Variants in TAF12 observed in about 807,000 individuals in gnomAD.
TAF12 encodes the protein transcription initiation factor TFIID subunit 12.
In TAF12, 3 loss-of-function variants were observed where a neutral mutation model predicts 20.8. The ratio of observed to expected loss-of-function variants is 0.14; its 90% CI spans 0.07 to 0.37. The LOEUF (loss-of-function observed/expected upper bound fraction) is 0.37. Ranked by LOEUF, TAF12 falls within the 10% of genes least tolerant of loss-of-function variation. The probability of loss-of-function intolerance (pLI) is 1.00; values close to 1 mark genes in which losing one functional copy is unlikely to be tolerated. For synonymous variants in TAF12, 69 were observed against 70.2 expected (o/e 0.98, Z 0.09); for missense variants, 131 against 197.9 (o/e 0.66, Z 2.03).
intron 1 of TAF12, 70 bp from the exon 2 acceptor site, chr1:28,622,235 A>G: frequency 7.3e-7 from 1 of 1,377,586 alleles, no homozygotes; most frequent in South Asian, 1.7e-5. Flanking sequence ...GAGAGTAAAA[A>G]GAGGCCTGGT....
intron 1 of TAF12, among the ~76,000 whole-genome samples, chr1:28,629,640 G>GT (rs561078657): frequency 1.3e-5 from 2 of 151,812 alleles, no homozygotes; most frequent in African/African-American, 4.8e-5. Context: ...CAGGCCTTGG[G>GT]TTTTTTGTTT....
In TAF12 at chr1:28,638,385, C is replaced by T. The variant is rs181554010; in HGVS notation, c.-85+4607G>A. On this transcript the variant is annotated intron_variant, in intron 1 of 5. Transcript: ENST00000373824. ...TGTATTTTTAGTAGAGATGGGGTTTCTCCATGTTGGTCAGGCTGGTCTCGA... is the reference window on the plus strand; with the variant it reads ...TGTATTTTTAGTAGAGATGGGGTTTTTCCATGTTGGTCAGGCTGGTCTCGA... Among the ~76,000 whole-genome samples the T allele has an allele frequency of 7.7e-3, 1,174 of 151,912 alleles. 12 individuals are homozygous for T. The highest frequency in any genetic ancestry group is 0.027 in the African/African-American group (1,106 of 41,402).
chr1:28,644,361 T>C (rs1570349255), upstream of TAF12, among the ~76,000 whole-genome samples: 2 of 152,350 alleles, frequency 1.3e-5, no homozygotes, highest in African/African-American at 2.4e-5. Flanking sequence ...CTCATGAACA[T>C]TGGGCTCTAA....
At chr1:28,645,237 A>C (rs1041169744), upstream of TAF12, among the ~76,000 whole-genome samples, 1 of 150,444 alleles carries the variant, frequency 6.6e-6, no homozygotes, top group East Asian at 2.0e-4. Context: ...GGGTTTCACC[A>C]TGTTAGCCAG....
chr1:28,628,800 C>T (rs926508371), intron 1 of TAF12, among the ~76,000 whole-genome samples: 1 of 152,152 alleles, frequency 6.6e-6, no homozygotes, highest in Non-Finnish European at 1.5e-5. Flanking sequence ...TTGCCGGATG[C>T]GGTGGTTCAT....
At chr1:28,647,817 TGAGCCGATATC>T (rs1477893587), upstream of TAF12, among the ~76,000 whole-genome samples, 4 of 151,640 alleles carry the variant, frequency 2.6e-5, no homozygotes, top group Non-Finnish European at 5.9e-5. Flanking sequence ...GAGCTTGCGG[TGAGCCGATATC>T]GCGCCACTGC....
chr1:28,605,284 C>A (rs1022351347), intron 5 of TAF12, 88 bp downstream of exon 5: 10 of 1,392,048 alleles, frequency 7.2e-6, no homozygotes, highest in Admixed American at 1.8e-5. Context: ...GAAGCGAGGC[C>A]CCCTAGAAGG....
chr1:28,617,918 G>C (rs1667094093), intron 3 of TAF12, 35 bp downstream of exon 3: 1 of 1,603,762 alleles, frequency 6.2e-7, no homozygotes, highest in South Asian at 1.1e-5. Context: ...CCGGTTCTCA[G>C]GGACCAGTTT....
intron 5 of TAF12, among the ~76,000 whole-genome samples, chr1:28,604,762 A>G (rs1458972988): frequency 6.6e-6 from 1 of 152,176 alleles, no homozygotes; most frequent in Non-Finnish European, 1.5e-5. Flanking sequence ...TAGCCACTTA[A>G]GTTAAGACAG....
intron 1 of TAF12, chr1:28,623,961 T>C (rs1309018880): frequency 1.8e-5 from 18 of 985,818 alleles, no homozygotes; most frequent in Non-Finnish European, 2.2e-5. Context: ...TCTGAGTGTC[T>C]AGATCTTTAA....
intron 2 of TAF12, among the ~76,000 whole-genome samples, chr1:28,618,667 C>T (rs1401706482): frequency 6.6e-6 from 1 of 151,412 alleles, no homozygotes; most frequent in African/African-American, 2.4e-5. Flanking sequence ...CTCTCTTCTT[C>T]CTTCTTGCTT....
intron 1 of TAF12, among the ~76,000 whole-genome samples, chr1:28,638,440 C>T (rs1221381133): frequency 5.3e-5 from 8 of 150,588 alleles, no homozygotes; most frequent in South Asian, 2.1e-4. Flanking sequence ...CCGCCCACCT[C>T]GGCCTCCCAA....
chr1:28,615,221 T>G (rs1272544211), intron 3 of TAF12, among the ~76,000 whole-genome samples: 2 of 152,050 alleles, frequency 1.3e-5, no homozygotes, highest in Non-Finnish European at 2.9e-5. Context: ...CAAACTAAAA[T>G]TACAACCATA....
intron 1 of TAF12, among the ~76,000 whole-genome samples, chr1:28,627,479 G>A (rs1214601546): frequency 6.6e-6 from 1 of 151,326 alleles, no homozygotes; most frequent in East Asian, 1.9e-4. Flanking sequence ...GGATCACAAG[G>A]TCAGGAGATC....
chr1:28,638,522 ACT>A (rs1300652038), intron 1 of TAF12, among the ~76,000 whole-genome samples: 1 of 108,218 alleles, frequency 9.2e-6, no homozygotes, highest in Non-Finnish European at 1.9e-5. Flanking sequence ...ACAGAGTCTC[ACT>A]CTGTCACCCA....
chr1:28,639,991 T>C (rs2124390033), intron 1 of TAF12, among the ~76,000 whole-genome samples: 1 of 152,238 alleles, frequency 6.6e-6, no homozygotes, highest in East Asian at 1.9e-4. Flanking sequence ...TACAGGCATG[T>C]GCCACCATGC....
At chr1:28,637,148 T>A (rs1667859103) in intron 1 of TAF12, among the ~76,000 whole-genome samples, 1 of 152,038 alleles carries the variant, frequency 6.6e-6, no homozygotes, top group African/African-American at 2.4e-5. Flanking sequence ...CTGATGAGAG[T>A]TACTGTGGAA....
upstream of TAF12, chr1:28,643,070 G>C: frequency 3.0e-6 from 3 of 985,854 alleles, no homozygotes; most frequent in Non-Finnish European, 3.6e-6. Context: ...GTCCGACTGC[G>C]CGGCCCTCCC....
At chr1:28,613,221 C>G (rs2124313274) in intron 4 of TAF12, 26 bp downstream of exon 4, 2 of 1,580,890 alleles carry the variant, frequency 1.3e-6, no homozygotes, top group Middle Eastern at 3.3e-4. Context: ...TGAATCCATA[C>G]TTCAGGGAGA....
Sources: gnomAD v4.1 joint callset for allele counts (sites outside exome capture counted in the v4.1 genomes callset) on GRCh38, gnomAD v4.1.1 for gene constraint, MANE v1.5 for transcripts, NCBI Gene and HGNC (gene_info 2026-07-23, HGNC 2026-07-21) for gene names.